GMDS: variants seen among roughly 807,000 people sequenced by gnomAD.
The protein encoded by GMDS is GDP-mannose 4,6-dehydratase.
In GMDS, 20 loss-of-function variants were observed where a neutral mutation model predicts 49.9. That is an observed-to-expected ratio of 0.40 (90% CI 0.28 to 0.58). The LOEUF is 0.58. Among genes scored for constraint, GMDS ranks in the 20% least tolerant of loss-of-function variants. GMDS has a pLI of 0.42. For missense variants in GMDS, 362 were observed against 481.4 expected, an observed-to-expected ratio of 0.75 and a Z score of 2.32; for synonymous variants, 177 against 178.6, an observed-to-expected ratio of 0.99 and a Z score of 0.07.
chr6:1,789,829 C>T (rs544542127), intron 7 of GMDS, among the ~76,000 whole-genome samples: 26 of 152,264 alleles, frequency 1.7e-4, no homozygotes, highest in African/African-American at 6.0e-4. Context: ...TGAGCCACCA[C>T]ACCCAGCCTA....
intron 7 of GMDS, among the ~76,000 whole-genome samples, chr6:1,884,511 A>C (rs1183340938): frequency 5.9e-5 from 9 of 152,224 alleles, no homozygotes; most frequent in Non-Finnish European, 1.3e-4. Context: ...ATGGTGGGGA[A>C]TGTGAAAACT....
intron 7 of GMDS, among the ~76,000 whole-genome samples, chr6:1,769,365 C>T (rs768455147): frequency 5.9e-5 from 9 of 152,238 alleles, no homozygotes; most frequent in Non-Finnish European, 1.3e-4. Context: ...GAAAATGACA[C>T]TTTAACCTGT....
At chr6:1,938,014 GA>G (rs370884646) in intron 6 of GMDS, among the ~76,000 whole-genome samples, 2,119 of 149,284 alleles carry the variant, frequency 0.014, 39 homozygotes, top group African/African-American at 0.043. Flanking sequence ...TAATTTAAAA[GA>G]AAAAAAAAGG....
intron 4 of GMDS, among the ~76,000 whole-genome samples, chr6:2,013,732 A>G (rs1767706888): frequency 6.6e-6 from 1 of 152,006 alleles, no homozygotes; most frequent in African/African-American, 2.4e-5. Flanking sequence ...TACAATGCAG[A>G]GAAAAGAGAA....
At chr6:1,930,798 A>T (rs1201629693) in intron 6 of GMDS, 3 of 152,236 alleles carry the variant, frequency 2.0e-5, no homozygotes, top group African/African-American at 7.2e-5. Flanking sequence ...GATGGCTCTT[A>T]TTTAGAAACC....
At chr6:1,666,964 G>A (rs541172681) in intron 9 of GMDS, among the ~76,000 whole-genome samples, 6 of 152,280 alleles carry the variant, frequency 3.9e-5, no homozygotes, top group African/African-American at 9.6e-5. Context: ...TCTGCTGAGC[G>A]CTAGGACCTT....
chr6:1,693,698 C>T (rs564364008), intron 9 of GMDS, among the ~76,000 whole-genome samples: 5 of 152,248 alleles, frequency 3.3e-5, no homozygotes, highest in African/African-American at 1.2e-4. Flanking sequence ...TCAATGCGGC[C>T]ATCAACTTGG....
intron 7 of GMDS, among the ~76,000 whole-genome samples, chr6:1,812,538 G>GGAGGAA (rs1167527435): frequency 2.0e-5 from 3 of 151,786 alleles, no homozygotes; most frequent in South Asian, 2.1e-4. Flanking sequence ...GAGAGGGAGA[G>GGAGGAA]GAGGAAGAGG....
chr6:1,639,424 C>G (rs1003590303), intron 9 of GMDS, among the ~76,000 whole-genome samples: 5 of 152,216 alleles, frequency 3.3e-5, no homozygotes, highest in Non-Finnish European at 7.3e-5. Flanking sequence ...AAGTGCAAGG[C>G]TAACAGTCCA....
chr6:1,662,833 G>T (rs1203717072), intron 9 of GMDS, among the ~76,000 whole-genome samples: 1 of 152,216 alleles, frequency 6.6e-6, no homozygotes, highest in Non-Finnish European at 1.5e-5. Context: ...GCTGAGGGCA[G>T]TCAGCTGGGA....
At chr6:2,168,982 G>C (rs1777806399) in intron 1 of GMDS, among the ~76,000 whole-genome samples, 1 of 152,148 alleles carries the variant, frequency 6.6e-6, no homozygotes, top group South Asian at 2.1e-4. Flanking sequence ...TGTAAATACT[G>C]AAAGTTTAAA....
At chr6:1,773,282 G>A (rs947661003) in intron 7 of GMDS, among the ~76,000 whole-genome samples, 1 of 151,022 alleles carries the variant, frequency 6.6e-6, no homozygotes, top group African/African-American at 2.4e-5. Context: ...TTTCTCAATA[G>A]TTATGATATT....
chr6:1,753,598 C>T (rs1244052487), intron 7 of GMDS, among the ~76,000 whole-genome samples: 6 of 152,216 alleles, frequency 3.9e-5, no homozygotes, highest in African/African-American at 1.4e-4. Flanking sequence ...CTTCTCAGCA[C>T]CACATTCCAC....
chr6:1,795,651 T>C (rs1769709373), intron 7 of GMDS, among the ~76,000 whole-genome samples: 1 of 152,158 alleles, frequency 6.6e-6, no homozygotes, highest in Admixed American at 6.5e-5. Flanking sequence ...CAAATAAAAT[T>C]TAAAGATTAG....
intron 7 of GMDS, among the ~76,000 whole-genome samples, chr6:1,745,174 A>G (rs889882552): frequency 1.3e-5 from 2 of 152,246 alleles, no homozygotes; most frequent in Non-Finnish European, 2.9e-5. Context: ...AACATCTCAA[A>G]TAGGTCTTTC....
At chr6:2,225,548 G>A (rs142284552) in intron 1 of GMDS, among the ~76,000 whole-genome samples, 1 of 152,274 alleles carries the variant, frequency 6.6e-6, no homozygotes, top group African/African-American at 2.4e-5. Context: ...GTCCTAGGCT[G>A]TTCTATGCAA....
intron 7 of GMDS, among the ~76,000 whole-genome samples, chr6:1,918,079 T>C (rs1761494560): frequency 1.3e-5 from 2 of 152,198 alleles, no homozygotes; most frequent in South Asian, 4.1e-4. Context: ...AGTCCTATTA[T>C]TACAACATGA....
At chr6:2,100,065 G>A (rs1471272452) in intron 4 of GMDS, among the ~76,000 whole-genome samples, 1 of 151,902 alleles carries the variant, frequency 6.6e-6, no homozygotes, top group East Asian at 1.9e-4. Flanking sequence ...GGAAAACTGA[G>A]GCCCAGAGAG....
intron 9 of GMDS, among the ~76,000 whole-genome samples, chr6:1,724,140 C>G (rs538366470): frequency 6.6e-6 from 1 of 152,216 alleles, no homozygotes; most frequent in Non-Finnish European, 1.5e-5. Flanking sequence ...TTAATGCAGC[C>G]TAGAGGCTTA....
Sources: gnomAD v4.1 joint callset for allele counts (sites outside exome capture counted in the v4.1 genomes callset) on GRCh38, gnomAD v4.1.1 for gene constraint, MANE v1.5 for transcripts, NCBI Gene and HGNC (gene_info 2026-07-23, HGNC 2026-07-21) for gene names.